Variants in CDC42SE2 observed in about 807,000 individuals in gnomAD.
CDC42SE2 encodes CDC42 small effector protein 2.
CDC42SE2 carries 3 observed loss-of-function variants against 11.5 expected under a neutral mutation model. The observed-to-expected ratio is 0.26, with a 90% CI of 0.12 to 0.67. CDC42SE2 has a LOEUF of 0.67. Ranked by LOEUF, CDC42SE2 falls within the 30% of genes least tolerant of loss-of-function variation. The pLI, the probability that CDC42SE2 is intolerant of heterozygous loss-of-function variation, is 0.80. For synonymous variants in CDC42SE2, 33 were observed against 34.8 expected (o/e 0.95, Z 0.18); for missense variants, 82 against 106.8 (o/e 0.77, Z 1.02).
Position 131,290,472 on chromosome 5 carries a change from CT to C in CDC42SE2, c.-454-25491del, listed in dbSNP as rs1310572639. 5.5e-3 allele frequency among the ~76,000 whole-genome samples: 703 copies of C among 126,742 alleles called. 4 individuals carry two copies. The highest frequency in any genetic ancestry group is 0.016 in the African/African-American group (551 of 34,198). 83.1% of individuals were successfully genotyped at this position (126,742 alleles called of 152,430 possible). On this transcript the variant is annotated intron_variant, in intron 1 of 4. Coordinates refer to ENST00000505065, the MANE Select transcript of CDC42SE2 (RefSeq NM_001375635.1). ...ATAACTGGCTGCTTCTTTTTTCTTTCTTTTTTTTTTTTTGTTTTTTTTTTTT... is the reference window on the plus strand; with the variant it reads ...ATAACTGGCTGCTTCTTTTTTCTTTCTTTTTTTTTTTTGTTTTTTTTTTTT...
In CDC42SE2 at chr5:131,347,246, C is replaced by T. The variant is rs543178041; in HGVS notation, c.-285-11963C>T. On this transcript the variant is annotated intron_variant, in intron 2 of 4. Coordinates refer to ENST00000505065, the MANE Select transcript of CDC42SE2 (RefSeq NM_001375635.1). The stretch of plus-strand genomic sequence containing the variant: ...GAAAAGATCAACAAAATTGATAGAC[C>T]GCTAGCAAGACTAATAAAGAAGAAA... Among the ~76,000 whole-genome samples the T allele has an allele frequency of 4.1e-4, 63 of 151,950 alleles. 1 individual carries two copies. The highest frequency in any genetic ancestry group is 2.5e-3 in the South Asian group (12 of 4,820).
At chr5:131,240,883 A>G (rs1429580740), upstream of CDC42SE2, among the ~76,000 whole-genome samples, 2 of 152,324 alleles carry the variant, frequency 1.3e-5, no homozygotes, top group East Asian at 3.9e-4. Context: ...GTGTTTATCG[A>G]TGATACATTT....
intron 1 of CDC42SE2, among the ~76,000 whole-genome samples, chr5:131,284,556 G>A (rs1024714961): frequency 6.6e-6 from 1 of 151,948 alleles, no homozygotes; most frequent in Non-Finnish European, 1.5e-5. Context: ...GTGTAACCTC[G>A]AACTCCAGGG....
At chr5:131,246,725 T>G (rs1737749136) in intron 1 of CDC42SE2, among the ~76,000 whole-genome samples, 1 of 151,946 alleles carries the variant, frequency 6.6e-6, no homozygotes, top group Non-Finnish European at 1.5e-5. Context: ...TGGATCTCTT[T>G]TCTTATCTTC....
chr5:131,303,442 C>T (rs912579964), intron 1 of CDC42SE2, among the ~76,000 whole-genome samples: 3 of 152,206 alleles, frequency 2.0e-5, no homozygotes, highest in Admixed American at 6.5e-5. Context: ...GGAAAGTACT[C>T]AAAATGTTAC....
At chr5:131,318,786 C>A (rs1758101989) in intron 2 of CDC42SE2, among the ~76,000 whole-genome samples, 1 of 152,200 alleles carries the variant, frequency 6.6e-6, no homozygotes, top group Non-Finnish European at 1.5e-5. Flanking sequence ...TCTTTCTCAA[C>A]CCTCAATTAT....
In CDC42SE2 at chr5:131,249,826, T is replaced by A. The variant is rs540963273; in HGVS notation, n.107+4227T>A. On this transcript the variant is annotated intron_variant and non_coding_transcript_variant, in intron 1 of 3. Transcript: ENST00000502840. ...TGAATCCAGGAGTTCGAGGTTGCAG[T>A]GAGCTATGATTGTACCACTGCACTC... 2.0e-5 allele frequency among the ~76,000 whole-genome samples: 3 copies of A among 152,218 alleles called. No homozygotes were observed. In the South Asian group the frequency reaches 6.2e-4, roughly 32 times the overall value.
At chr5:131,365,689 T>G (rs1269953128) in intron 3 of CDC42SE2, among the ~76,000 whole-genome samples, 1 of 152,108 alleles carries the variant, frequency 6.6e-6, no homozygotes, top group Non-Finnish European at 1.5e-5. Context: ...AGAAGAAAAT[T>G]AGCCTTATCA....
intron 1 of CDC42SE2, among the ~76,000 whole-genome samples, chr5:131,307,735 C>T (rs1757809629): frequency 6.6e-6 from 1 of 152,086 alleles, no homozygotes. Flanking sequence ...CCTGTTGTTT[C>T]CTGACTTTTT....
At chr5:131,345,348 G>A (rs1378825154) in intron 2 of CDC42SE2, among the ~76,000 whole-genome samples, 3 of 152,024 alleles carry the variant, frequency 2.0e-5, no homozygotes, top group South Asian at 2.1e-4. Context: ...CAAGAACTAC[G>A]TGACTCATGC....
chr5:131,277,591 T>G (rs553600055), intron 1 of CDC42SE2, among the ~76,000 whole-genome samples: 1 of 152,360 alleles, frequency 6.6e-6, no homozygotes, highest in African/African-American at 2.4e-5. Flanking sequence ...TATCTCACCT[T>G]TGCTCACTAC....
chr5:131,350,539 A>G (rs961079049), intron 2 of CDC42SE2, among the ~76,000 whole-genome samples: 1 of 152,010 alleles, frequency 6.6e-6, no homozygotes, highest in Non-Finnish European at 1.5e-5. Context: ...ACATTTGACT[A>G]CATAAGGCTT....
intron 4 of CDC42SE2, among the ~76,000 whole-genome samples, chr5:131,390,187 A>G (rs1195113235): frequency 6.6e-6 from 1 of 152,210 alleles, no homozygotes. Context: ...AACTGGGACT[A>G]TATCTGTCTT....
chr5:131,246,685 T>G (rs1220621634), intron 1 of CDC42SE2, among the ~76,000 whole-genome samples: 2 of 152,072 alleles, frequency 1.3e-5, no homozygotes, highest in African/African-American at 2.4e-5. Flanking sequence ...TGAGGGTCCA[T>G]GTTTGTGAGG....
intron 3 of CDC42SE2, among the ~76,000 whole-genome samples, chr5:131,378,780 C>T (rs1235895536): frequency 6.6e-6 from 1 of 152,198 alleles, no homozygotes; most frequent in African/African-American, 2.4e-5. Flanking sequence ...ACACCACCAC[C>T]TTCTTTTCTA....
intron 1 of CDC42SE2, among the ~76,000 whole-genome samples, chr5:131,277,218 C>T (rs753714311): frequency 3.9e-5 from 6 of 152,158 alleles, no homozygotes; most frequent in Admixed American, 2.6e-4. Context: ...ACATAACCAT[C>T]TTGGATTAAT....
At chr5:131,217,431 TTA>T in the CDC42SE2 span, among the ~76,000 whole-genome samples, 1 of 152,242 alleles carries the variant, frequency 6.6e-6, no homozygotes. Flanking sequence ...TTTTAAAGGC[TTA>T]TGTTTTCTGA....
intron 2 of CDC42SE2, among the ~76,000 whole-genome samples, chr5:131,340,970 C>T (rs965011943): frequency 3.9e-5 from 6 of 152,078 alleles, no homozygotes; most frequent in Non-Finnish European, 7.4e-5. Context: ...AACCACCATG[C>T]GTGGCCTGAG....
the CDC42SE2 span, among the ~76,000 whole-genome samples, chr5:131,229,394 T>A: frequency 6.6e-6 from 1 of 152,094 alleles, no homozygotes; most frequent in East Asian, 1.9e-4. Flanking sequence ...TTTAATTTAC[T>A]ATGTAATTTT....
Sources: gnomAD v4.1 joint callset for allele counts (sites outside exome capture counted in the v4.1 genomes callset) on GRCh38, gnomAD v4.1.1 for gene constraint, MANE v1.5 for transcripts, NCBI Gene and HGNC (gene_info 2026-07-23, HGNC 2026-07-21) for gene names.